Variants in NYAP1 observed in about 807,000 individuals in gnomAD.
NYAP1 encodes neuronal tyrosine phosphorylated phosphoinositide-3-kinase adaptor 1.
In NYAP1, 20 loss-of-function variants were observed where a neutral mutation model predicts 58.6. That is an observed-to-expected ratio of 0.34 (90% CI 0.24 to 0.50). NYAP1 has a LOEUF of 0.50. Among genes scored for constraint, NYAP1 ranks in the 20% least tolerant of loss-of-function variants. The probability of loss-of-function intolerance (pLI) is 0.98; values close to 1 mark genes in which losing one functional copy is unlikely to be tolerated. For synonymous variants in NYAP1, 572 were observed against 523.1 expected, an observed-to-expected ratio of 1.09 and a Z score of -1.27; for missense variants, 1,150 against 1,194.5, an observed-to-expected ratio of 0.96 and a Z score of 0.55.
At position 100,486,971 on chromosome 7, in the gene NYAP1, C is replaced by T; in HGVS notation, c.219C>T (p.Pro73=). The part of the protein sequence containing the change: ...MPASQEHTPH[P]CRSAMAPRSL... ...CCTCCCAGGAGCACACCCCGCACCC[C>T]TGCCGCAGCGCCATGGCCCCACGCT... Residue 73 remains proline (P), a synonymous_variant, in exon 3 of 7, where the codon CCC becomes CCT. Transcript: ENST00000300179. The surrounding 1 kb of genome is among the most constrained non-coding windows in gnomAD (Gnocchi z 6.2). 1 of 1,607,370 alleles carries T rather than the reference C, an allele frequency of 6.2e-7. No individual in the cohort carries two copies. The highest frequency in any genetic ancestry group is 2.2e-5 in the East Asian group (1 of 44,700).
chr7:100,493,992 A>G lies in NYAP1; in HGVS notation c.*89A>G. 1 of 1,174,782 alleles carries G rather than the reference A, an allele frequency of 8.5e-7. No homozygotes were observed. The highest frequency in any genetic ancestry group is 1.1e-6 in the Non-Finnish European group (1 of 878,606). The allele number at this position is 1,174,782 out of a possible 1,614,324, so 72.8% of individuals were successfully genotyped here. A position where few individuals can be genotyped will look rare whatever the true frequency, so the allele number is the denominator to read the frequency against. The stretch of plus-strand genomic sequence containing the variant: ...GGAGCCTCGCCTTGAGAGACATTGA[A>G]AGACTACGTGGGAGAGTGCCAGGGA... On this transcript the variant is annotated 3_prime_UTR_variant, in exon 7 of 7. Coordinates refer to ENST00000300179, the MANE Select transcript of NYAP1 (RefSeq NM_173564.4).
chr7:100,484,826 G>A (rs1441814754), intron 1 of NYAP1, among the ~76,000 whole-genome samples: 1 of 152,028 alleles, frequency 6.6e-6, no homozygotes, highest in South Asian at 2.1e-4. Flanking sequence ...CTATCCCTAG[G>A]TTTCTGTTTA....
intron 1 of NYAP1, among the ~76,000 whole-genome samples, chr7:100,484,862 C>T (rs1364288229): frequency 2.0e-5 from 3 of 151,974 alleles, no homozygotes; most frequent in Non-Finnish European, 4.4e-5. Flanking sequence ...GCGTCTGGTC[C>T]TCTGTCTGTA....
rs751327059 is a variant in NYAP1 at position 100,489,235 on chromosome 7, C to A, written c.1514C>A (p.Pro505His). 3 of 1,607,258 alleles carry A rather than the reference C, an allele frequency of 1.9e-6. No homozygotes were observed. Among genetic ancestry groups the A allele is most frequent in the East Asian group, 2.2e-5 (1 of 44,666 alleles). Residue 505 changes from proline (P) to histidine (H), a missense_variant, in exon 4 of 7, where the codon CCC (proline) becomes CAC (histidine). Coordinates refer to ENST00000300179, the MANE Select transcript of NYAP1 (RefSeq NM_173564.4). ...GGGATGCTGTGTACCAGCTCAAGGC[C>A]CCCTGTGCCAGGGAAGACCAGCCCC... ...LHGMLCTSSR[P>H]PVPGKTSPHG... is the part of the protein sequence containing the mutation.
Position 100,488,370 on chromosome 7 carries a change from A to C in NYAP1, c.649A>C (p.Ile217Leu). Reference protein sequence around the residue: ...DVGAQEEPVYIEMVGDVFRGG... With the variant: ...DVGAQEEPVYLEMVGDVFRGG... ...GGGTGCCCAGGAAGAGCCTGTGTAC[A>C]TTGAGATGGTGGGGGACGTCTTTAG... Residue 217 changes from isoleucine (I) to leucine (L), a missense_variant, in exon 4 of 7, where the codon ATT (isoleucine) becomes CTT (leucine). Ile to Leu is a conservative substitution (Grantham distance 5). Coordinates refer to ENST00000300179, the MANE Select transcript of NYAP1 (RefSeq NM_173564.4). The surrounding 1 kb of genome is among the most constrained non-coding windows in gnomAD (Gnocchi z 5.9). 1 of 1,601,134 alleles carries C rather than the reference A, an allele frequency of 6.2e-7. No homozygotes were observed. Among genetic ancestry groups the C allele is most frequent in the Non-Finnish European group, 8.5e-7 (1 of 1,174,724 alleles).
Position 100,491,075 on chromosome 7 carries a change from C to T in NYAP1, c.2248C>T (p.Pro750Ser), listed in dbSNP as rs138490573. The change falls in exon 6 of 7, where the codon CCC (proline) becomes TCC (serine). Residue 750 changes from proline to serine, a missense_variant. Coordinates refer to ENST00000300179, the MANE Select transcript of NYAP1 (RefSeq NM_173564.4). Reference sequence around the variant, plus strand: ...CCACACACCCCGGCCCTGCAGCCAGCCCAGGGATGCCCTGAGCCAGGTGAG... The same window carrying T: ...CCACACACCCCGGCCCTGCAGCCAGTCCAGGGATGCCCTGAGCCAGGTGAG... Reference protein sequence around the residue: ...VLHTPRPCSQPRDALSQPHPA... With the variant: ...VLHTPRPCSQSRDALSQPHPA... 139 of 1,556,622 alleles carry T rather than the reference C, an allele frequency of 8.9e-5. 1 individual carries two copies. The East Asian group carries it at 3.3e-3, about 37-fold the overall frequency.
intron 1 of NYAP1, among the ~76,000 whole-genome samples, 195 bp downstream of exon 1, chr7:100,484,196 G>C (rs913698769): frequency 2.0e-5 from 3 of 152,148 alleles, no homozygotes; most frequent in Non-Finnish European, 4.4e-5. Flanking sequence ...AACAGGGGAA[G>C]GGGGAGGACG....
Position 100,487,804 on chromosome 7 carries a change from G to C in NYAP1, c.431-348G>C, listed in dbSNP as rs1476771060. Among the ~76,000 whole-genome samples, 1 of 152,174 alleles carries C rather than the reference G, an allele frequency of 6.6e-6. No individual in the cohort carries two copies. The highest frequency in any genetic ancestry group is 1.5e-5 in the Non-Finnish European group (1 of 68,040). The stretch of plus-strand genomic sequence containing the variant: ...TTACAGGCGTGAGCCACTGTGCTTG[G>C]CCAATTAATTGACGTTTTAAAAAGA... On this transcript the variant is annotated intron_variant, in intron 3 of 6. Transcript: ENST00000300179. The surrounding 1 kb of genome is among the most constrained non-coding windows in gnomAD (Gnocchi z 4.1).
rs201629201 is a variant in NYAP1 at position 100,494,685 on chromosome 7, T to TGGGGGGGGGGG, written c.*784_*785insGGGGGGGGGGG. 1.1e-4 allele frequency: 1 copy of TGGGGGGGGGGG among 9,332 alleles called. No homozygotes were observed. The highest frequency in any genetic ancestry group is 1.4e-3 in the Admixed American group (1 of 702). 0.6% of individuals were successfully genotyped at this position (9,332 alleles called of 1,614,324 possible). On this transcript the variant is annotated 3_prime_UTR_variant, in exon 7 of 7. Coordinates refer to ENST00000300179, the MANE Select transcript of NYAP1 (RefSeq NM_173564.4). ...GGAGGAGGAGGGAAATTTTAGCGGG[T>TGGGGGGGGGGG]GGAGGGGGTGGGCAGGGTATTTATT...
chr7:100,486,350 C>T lies in NYAP1; in HGVS notation c.69-471C>T, dbSNP rs1194917912. On this transcript the variant is annotated intron_variant, in intron 2 of 6. Transcript: ENST00000300179. The surrounding 1 kb of genome is among the most constrained non-coding windows in gnomAD (Gnocchi z 6.2). ...GGAGGCTGCTCTGGTCCTGGAGGGG[C>T]ACATCCTGCATCTGGGAGAGGAGGT... Among the ~76,000 whole-genome samples, 4 of 152,054 alleles carry T rather than the reference C, an allele frequency of 2.6e-5. No homozygotes were observed. The highest frequency in any genetic ancestry group is 4.4e-5 in the Non-Finnish European group (3 of 68,002).
Position 100,490,342 on chromosome 7 carries a change from G to T in NYAP1, c.1946-175G>T, listed in dbSNP as rs1168136808. ...GGTACCAATGGGTGGAAAGGAAGGGGTGTGTGTGTGTTTGTATGTATGTTG... is the reference window on the plus strand; with the variant it reads ...GGTACCAATGGGTGGAAAGGAAGGGTTGTGTGTGTGTTTGTATGTATGTTG... On this transcript the variant is annotated intron_variant, in intron 4 of 6. Coordinates refer to ENST00000300179, the MANE Select transcript of NYAP1 (RefSeq NM_173564.4). This position sits in a 1 kb window ranked among gnomAD's most constrained non-coding sequence, Gnocchi z 4.6. Among the ~76,000 whole-genome samples, 1 of 152,124 alleles carries T rather than the reference G, an allele frequency of 6.6e-6. No individual in the cohort carries two copies. The highest frequency in any genetic ancestry group is 2.4e-5 in the African/African-American group (1 of 41,412).
Position 100,488,297 on chromosome 7 carries a change from T to C in NYAP1, c.576T>C (p.Pro192=). ...CCTCTCCTCGAGGGGGGAACCTGCC[T>C]CTTCAGCGCCTCACTAGGGGGTCCC... ...PGPSPRGGNL[P]LQRLTRGSRV... The change falls in exon 4 of 7, where the codon CCT becomes CCC. Residue 192 remains proline, a synonymous_variant. Coordinates refer to ENST00000300179, the MANE Select transcript of NYAP1 (RefSeq NM_173564.4). This position sits in a 1 kb window ranked among gnomAD's most constrained non-coding sequence, Gnocchi z 5.9. The C allele has an allele frequency of 6.2e-7, 1 of 1,613,590 alleles. No individual in the cohort carries two copies. Among genetic ancestry groups the C allele is most frequent in the Non-Finnish European group, 8.5e-7 (1 of 1,179,810 alleles).
chr7:100,484,594 A>G (rs1799680604), intron 1 of NYAP1, among the ~76,000 whole-genome samples: 1 of 152,050 alleles, frequency 6.6e-6, no homozygotes, highest in Admixed American at 6.6e-5. Context: ...GGTGTCTCCC[A>G]TCCTTCCTTC....
chr7:100,484,225 T>TGGGAGGAGAAGTGAGGC, intron 1 of NYAP1, among the ~76,000 whole-genome samples: 1 of 151,150 alleles, frequency 6.6e-6, no homozygotes, highest in Admixed American at 6.6e-5. Flanking sequence ...GAGGGGCGCC[T>TGGGAGGAGAAGTGAGGC]GGGAGGAGAA....
chr7:100,493,679 C>G lies in NYAP1; in HGVS notation c.2302C>G (p.Pro768Ala). The change falls in exon 7 of 7, where the codon CCG becomes GCG. Residue 768 changes from proline (P) to alanine (A), a missense_variant. Transcript: ENST00000300179. Reference sequence around the variant, plus strand: ...CGCGCTGCCGCTGCCTCTGCCCCTGCCGCCCCAGCCGGCCCGCGAGCGTGA... The same window carrying G: ...CGCGCTGCCGCTGCCTCTGCCCCTGGCGCCCCAGCCGGCCCGCGAGCGTGA... Reference protein sequence around the residue: ...HPALPLPLPLPPQPARERDGK... With the variant: ...HPALPLPLPLAPQPARERDGK... 1 of 1,588,148 alleles carries G rather than the reference C, an allele frequency of 6.3e-7. No homozygotes were observed. Among genetic ancestry groups the G allele is most frequent in the Non-Finnish European group, 8.5e-7 (1 of 1,172,014 alleles).
In NYAP1 at chr7:100,494,674, A is replaced by T. The variant is rs1799847394; in HGVS notation, c.*771A>T. ...AGGATGATGGGGGAGGAGGAGGGAA[A>T]TTTTAGCGGGTGGAGGGGGTGGGCA... On this transcript the variant is annotated 3_prime_UTR_variant, in exon 7 of 7. Transcript: ENST00000300179. 4.6e-5 allele frequency: 2 copies of T among 43,662 alleles called. No individual in the cohort carries two copies. Among genetic ancestry groups the T allele is most frequent in the Admixed American group, 7.4e-4 (2 of 2,702 alleles). 2.7% of individuals were successfully genotyped at this position (43,662 alleles called of 1,614,324 possible).
In NYAP1 at chr7:100,488,722, G is replaced by A. The variant is rs746929783; in HGVS notation, c.1001G>A (p.Arg334Gln). ...PPPFPNLLQH[R>Q]PPLLAFPQAK... ...CCCTTCCCCAACCTCCTTCAGCACC[G>A]GCCTCCACTCCTGGCCTTCCCCCAA... Residue 334 changes from arginine (R) to glutamine (Q), a missense_variant, in exon 4 of 7, where the codon CGG (arginine) becomes CAG (glutamine). Physicochemically the swap from Arg to Gln is conservative, Grantham distance 43. Coordinates refer to ENST00000300179, the MANE Select transcript of NYAP1 (RefSeq NM_173564.4). The surrounding 1 kb of genome is among the most constrained non-coding windows in gnomAD (Gnocchi z 5.9). The A allele has an allele frequency of 6.6e-5, 107 of 1,609,300 alleles. No individual in the cohort carries two copies. Among genetic ancestry groups the A allele is most frequent in the Non-Finnish European group, 8.2e-5 (97 of 1,178,576 alleles).
At position 100,488,690 on chromosome 7, in the gene NYAP1, C is replaced by T. The variant is rs1330141763; in HGVS notation, c.969C>T (p.Ile323=). ...CCACCAAGACCACTCCTTGTGAAAT[C>T]CCCCCGCCCTTCCCCAACCTCCTTC... ...GTPTKTTPCE[I]PPPFPNLLQH... Residue 323 remains isoleucine, a synonymous_variant, in exon 4 of 7, where the codon ATC becomes ATT. Transcript: ENST00000300179. This position sits in a 1 kb window ranked among gnomAD's most constrained non-coding sequence, Gnocchi z 5.9. 1 of 1,611,048 alleles carries T rather than the reference C, an allele frequency of 6.2e-7. No individual in the cohort carries two copies. Among genetic ancestry groups the T allele is most frequent in the South Asian group, 1.1e-5 (1 of 90,956 alleles).
rs551137832 is a variant in NYAP1, at chr7:100,494,686, G to T, written c.*783G>T. The T allele has an allele frequency of 1.7e-4, 25 of 148,072 alleles. No homozygotes were observed. The highest frequency in any genetic ancestry group is 5.1e-4 in the African/African-American group (20 of 39,516). 9.2% of individuals were successfully genotyped at this position (148,072 alleles called of 1,614,324 possible). On this transcript the variant is annotated 3_prime_UTR_variant, in exon 7 of 7. Transcript: ENST00000300179. ...GAGGAGGAGGGAAATTTTAGCGGGT[G>T]GAGGGGGTGGGCAGGGTATTTATTT... is the stretch of plus-strand genomic sequence containing the variant.
Sources: allele counts gnomAD v4.1 joint callset (sites outside exome capture counted in the v4.1 genomes callset), GRCh38; gene constraint gnomAD v4.1.1; non-coding constraint Gnocchi (gnomAD v3.1); transcripts MANE v1.5; gene names NCBI Gene and HGNC (gene_info 2026-07-23, HGNC 2026-07-21).